Variants in SBF2 observed in about 807,000 individuals in gnomAD.
SBF2 encodes myotubularin-related protein 13.
SBF2 carries 112 observed loss-of-function variants against 225.2 expected under a neutral mutation model. The ratio of observed to expected loss-of-function variants is 0.50; its 90% CI spans 0.43 to 0.58. The LOEUF (loss-of-function observed/expected upper bound fraction) is 0.58. Among genes scored for constraint, SBF2 ranks in the 20% least tolerant of loss-of-function variants. The pLI is 0.00. For synonymous variants in SBF2, 763 were observed against 773.3 expected (o/e 0.99, Z 0.22); for missense variants, 1,996 against 2,206.2 (o/e 0.90, Z 1.91).
At chr11:10,007,277 T>C (rs1271293961) in intron 6 of SBF2, among the ~76,000 whole-genome samples, 1 of 152,100 alleles carries the variant, frequency 6.6e-6, no homozygotes, top group Non-Finnish European at 1.5e-5. Context: ...TTTTTTCTCA[T>C]CTATTCTCTC....
intron 6 of SBF2, 88 bp from the exon 7 acceptor site, chr11:10,002,777 G>T (rs1217474378): frequency 9.1e-6 from 12 of 1,317,778 alleles, no homozygotes; most frequent in African/African-American, 1.5e-5. Flanking sequence ...GAAAGAAAAA[G>T]CCAGTAATTT....
At chr11:9,862,835 T>C (rs1419374533) in intron 17 of SBF2, among the ~76,000 whole-genome samples, 2 of 152,184 alleles carry the variant, frequency 1.3e-5, no homozygotes, top group Non-Finnish European at 2.9e-5. Flanking sequence ...GTTTTACAAA[T>C]TGGTCTGTAT....
At chr11:9,826,886 CTCTATGCAACCTCTGCCTCCCGG>C (rs1181719266) in intron 28 of SBF2, among the ~76,000 whole-genome samples, 27 of 152,072 alleles carry the variant, frequency 1.8e-4, no homozygotes, top group Admixed American at 5.2e-4. Flanking sequence ...GCGATCTTGG[CTCTATGCAACCTCTGCCTCCCGG>C]TCTATGCAAC....
intron 1 of SBF2, among the ~76,000 whole-genome samples, chr11:10,286,354 T>TTG (rs1460648681): frequency 6.6e-6 from 1 of 151,342 alleles, no homozygotes; most frequent in Admixed American, 6.6e-5. Flanking sequence ...TTCTTTGGTT[T>TTG]TTTTTTTTTT....
At chr11:9,968,294 C>A in intron 14 of SBF2, 47 bp downstream of exon 14, 2 of 1,558,980 alleles carry the variant, frequency 1.3e-6, no homozygotes, top group South Asian at 1.1e-5. Flanking sequence ...TTGGGTCTTA[C>A]ATCCTTATAA....
At chr11:10,163,205 G>A (rs577843921) in intron 2 of SBF2, among the ~76,000 whole-genome samples, 1 of 151,978 alleles carries the variant, frequency 6.6e-6, no homozygotes, top group African/African-American at 2.4e-5. Context: ...TTTTCAATAT[G>A]GTTCTTTAAA....
chr11:9,827,691 CATG>C (rs956623864), intron 28 of SBF2, among the ~76,000 whole-genome samples: 23 of 152,194 alleles, frequency 1.5e-4, no homozygotes, highest in African/African-American at 4.6e-4. Flanking sequence ...ACCTGGATAT[CATG>C]ATGTCTTATC....
chr11:9,922,741 C>T (rs982474142), intron 16 of SBF2, among the ~76,000 whole-genome samples: 3 of 152,090 alleles, frequency 2.0e-5, no homozygotes, highest in South Asian at 2.1e-4. Flanking sequence ...AGAATGAGCT[C>T]GTTTTTTTCT....
chr11:10,136,648 GTA>G (rs1954369569), intron 2 of SBF2, among the ~76,000 whole-genome samples: 1 of 152,160 alleles, frequency 6.6e-6, no homozygotes, highest in Admixed American at 6.5e-5. Context: ...GGGAGGTAAG[GTA>G]CTCTTGTGGG....
At chr11:9,978,476 T>C (rs1946799177) in intron 13 of SBF2, among the ~76,000 whole-genome samples, 1 of 152,168 alleles carries the variant, frequency 6.6e-6, no homozygotes, top group African/African-American at 2.4e-5. Flanking sequence ...TATAATTAGA[T>C]TGTGAAAAAA....
chr11:10,020,136 A>C (rs1948793209), intron 6 of SBF2, among the ~76,000 whole-genome samples: 1 of 152,104 alleles, frequency 6.6e-6, no homozygotes, highest in Admixed American at 6.5e-5. Context: ...GGTGCCAGGG[A>C]AGGGCAGTTT....
chr11:10,097,843 G>A (rs976133990), intron 2 of SBF2, among the ~76,000 whole-genome samples: 3 of 152,162 alleles, frequency 2.0e-5, no homozygotes, highest in African/African-American at 7.2e-5. Context: ...GAAAGTAAAA[G>A]CATAGTGAGT....
At chr11:10,230,510 C>T (rs796424965) in intron 1 of SBF2, among the ~76,000 whole-genome samples, 304 of 152,112 alleles carry the variant, frequency 2.0e-3, no homozygotes, top group African/African-American at 5.7e-3. Flanking sequence ...GGCCTGGTGG[C>T]GACAAAATCT....
At position 9,844,589 on chromosome 11, in the gene SBF2, C is replaced by T. The variant is rs1297654954; in HGVS notation, c.3110+976G>A. Among the ~76,000 whole-genome samples the T allele has an allele frequency of 5.9e-5, 9 of 152,030 alleles. No individual in the cohort carries two copies. The South Asian group carries it at 1.2e-3, about 21-fold the overall frequency. ...AGAAATATGACAACTAAATGCAATG[C>T]CTGATCCTGGATTAGATCCTGGACC... is the stretch of plus-strand genomic sequence containing the variant. On this transcript the variant is annotated intron_variant, in intron 24 of 39. Coordinates refer to ENST00000256190, the MANE Select transcript of SBF2 (RefSeq NM_030962.4).
chr11:9,953,973 T>C (rs111448026), intron 16 of SBF2, among the ~76,000 whole-genome samples: 256 of 152,304 alleles, frequency 1.7e-3, no homozygotes, highest in Non-Finnish European at 2.7e-3. Flanking sequence ...AAGCTTTAAT[T>C]GTATATTTGA....
chr11:9,812,442 A>T, intron 30 of SBF2, 90 bp downstream of exon 30: 1 of 1,393,312 alleles, frequency 7.2e-7, no homozygotes, highest in East Asian at 2.3e-5. Context: ...TAGGGGAACA[A>T]AGTATTTTTT....
At chr11:10,186,126 T>C (rs1379125598) in intron 2 of SBF2, among the ~76,000 whole-genome samples, 2 of 152,320 alleles carry the variant, frequency 1.3e-5, no homozygotes, top group South Asian at 2.1e-4. Flanking sequence ...AAGATATTTA[T>C]ATTTACCACT....
chr11:10,219,529 C>T (rs745807899), intron 1 of SBF2, among the ~76,000 whole-genome samples: 58 of 152,150 alleles, frequency 3.8e-4, no homozygotes, highest in Non-Finnish European at 7.8e-4. Context: ...TTTGGCTCCT[C>T]GTTACTTACG....
At chr11:9,990,324 C>T (rs897090794) in intron 12 of SBF2, among the ~76,000 whole-genome samples, 6 of 152,166 alleles carry the variant, frequency 3.9e-5, no homozygotes, top group Admixed American at 3.3e-4. Flanking sequence ...CTGTCAAGGG[C>T]AAACATTCTT....
Sources: allele counts gnomAD v4.1 joint callset (sites outside exome capture counted in the v4.1 genomes callset), GRCh38; gene constraint gnomAD v4.1.1; transcripts MANE v1.5; gene names NCBI Gene and HGNC (gene_info 2026-07-23, HGNC 2026-07-21).